The following GRID2 variants were observed in gnomAD, a reference collection of about 807,000 sequenced individuals.
The protein encoded by GRID2 is glutamate ionotropic receptor delta type subunit 2.
A neutral mutation model predicts 114.8 loss-of-function variants in GRID2; 33 were observed. The ratio of observed to expected loss-of-function variants is 0.29; its 90% CI spans 0.22 to 0.38. The LOEUF is 0.38. GRID2 is among the 10% of genes least tolerant of loss of function. GRID2 has a pLI of 1.00. For synonymous variants in GRID2, 505 were observed against 449.9 expected, an observed-to-expected ratio of 1.12 and a Z score of -1.55; for missense variants, 1,184 against 1,257.7, an observed-to-expected ratio of 0.94 and a Z score of 0.89.
At chr4:93,200,506 C>A (rs1184831631) in intron 4 of GRID2, among the ~76,000 whole-genome samples, 1 of 152,020 alleles carries the variant, frequency 6.6e-6, no homozygotes, top group African/African-American at 2.4e-5. Context: ...GTGGAGCTTG[C>A]AGTGAGCCGA....
At chr4:92,546,357 G>T (rs1310943445) in intron 1 of GRID2, among the ~76,000 whole-genome samples, 1 of 152,038 alleles carries the variant, frequency 6.6e-6, no homozygotes, top group African/African-American at 2.4e-5. Flanking sequence ...TTTCCCCATC[G>T]TGCCATGTTT....
intron 2 of GRID2, among the ~76,000 whole-genome samples, chr4:92,648,802 A>T (rs1451216314): frequency 6.7e-6 from 1 of 148,574 alleles, no homozygotes. Flanking sequence ...TTACTATATC[A>T]GTTCACATTT....
intron 1 of GRID2, among the ~76,000 whole-genome samples, chr4:93,796,299 C>CAAAG: frequency 6.6e-6 from 1 of 152,180 alleles, no homozygotes; most frequent in East Asian, 1.9e-4. Flanking sequence ...TCCCTACACG[C>CAAAG]AAAGAAGGAG....
At chr4:93,028,859 T>A (rs1446181785) in intron 2 of GRID2, among the ~76,000 whole-genome samples, 1 of 152,072 alleles carries the variant, frequency 6.6e-6, no homozygotes, top group Non-Finnish European at 1.5e-5. Flanking sequence ...GTAAATGATG[T>A]ACTTTAAAAA....
intron 11 of GRID2, among the ~76,000 whole-genome samples, chr4:93,480,088 A>G (rs746592777): frequency 3.9e-5 from 6 of 152,122 alleles, no homozygotes; most frequent in Non-Finnish European, 5.9e-5. Flanking sequence ...ATGTTTGAAG[A>G]TGTTTATAGC....
In GRID2 at chr4:92,728,667, G is replaced by A. The variant is rs548926814; in HGVS notation, c.244+138381G>A. On this transcript the variant is annotated intron_variant, in intron 2 of 15. Coordinates refer to ENST00000282020, the MANE Select transcript of GRID2 (RefSeq NM_001510.4). ...TGTAAGAAGTGAATCAATAAGTCCA[G>A]CCCAAACTCAAGTGGAAGGCACTGC... Among the ~76,000 whole-genome samples, 11 of 151,960 alleles carry A rather than the reference G, an allele frequency of 7.2e-5. No individual in the cohort carries two copies. The South Asian group carries it at 2.3e-3, about 32-fold the overall frequency.
At chr4:92,584,953 C>T (rs1728358390) in intron 1 of GRID2, among the ~76,000 whole-genome samples, 1 of 152,006 alleles carries the variant, frequency 6.6e-6, no homozygotes, top group South Asian at 2.1e-4. Context: ...TCTAAAATTC[C>T]TTTCAGCTAT....
At chr4:92,957,508 A>G (rs1752497778) in intron 2 of GRID2, among the ~76,000 whole-genome samples, 1 of 151,788 alleles carries the variant, frequency 6.6e-6, no homozygotes, top group African/African-American at 2.4e-5. Flanking sequence ...CCATTGATCT[A>G]TTTGTCTGTT....
chr4:92,894,388 T>A (rs115295252), intron 2 of GRID2, among the ~76,000 whole-genome samples: 1 of 152,160 alleles, frequency 6.6e-6, no homozygotes, highest in Admixed American at 6.6e-5. Flanking sequence ...TAGTGTTATC[T>A]TGAATGGCCA....
At chr4:93,184,811 G>T (rs553820591) in intron 4 of GRID2, among the ~76,000 whole-genome samples, 2 of 152,114 alleles carry the variant, frequency 1.3e-5, no homozygotes, top group Non-Finnish European at 2.9e-5. Context: ...GAACCCTAGA[G>T]GCAGAAGTTG....
At chr4:93,437,320 A>G (rs1721191090) in intron 10 of GRID2, among the ~76,000 whole-genome samples, 1 of 152,176 alleles carries the variant, frequency 6.6e-6, no homozygotes, top group Non-Finnish European at 1.5e-5. Flanking sequence ...TAGAGAATTA[A>G]TTATTCAAAT....
At chr4:93,292,324 C>T (rs1186566410) in intron 8 of GRID2, among the ~76,000 whole-genome samples, 1 of 152,122 alleles carries the variant, frequency 6.6e-6, no homozygotes, top group Non-Finnish European at 1.5e-5. Flanking sequence ...TGAGGAGGTA[C>T]TATGTGCTCA....
chr4:93,660,523 A>G (rs1723396094), intron 14 of GRID2, among the ~76,000 whole-genome samples: 1 of 152,218 alleles, frequency 6.6e-6, no homozygotes, highest in Non-Finnish European at 1.5e-5. Context: ...GTAAAGAAAT[A>G]TGAGAAATAC....
intron 13 of GRID2, among the ~76,000 whole-genome samples, chr4:93,558,162 A>G (rs190684885): frequency 2.1e-3 from 322 of 152,310 alleles, no homozygotes; most frequent in Non-Finnish European, 3.9e-3. Context: ...ACGCCCTAAC[A>G]ATGAAATTAA....
chr4:92,993,077 C>A (rs1043213002), intron 2 of GRID2, among the ~76,000 whole-genome samples: 1 of 151,924 alleles, frequency 6.6e-6, no homozygotes, highest in African/African-American at 2.4e-5. Flanking sequence ...GTGTATCCAT[C>A]GAATTACAGT....
chr4:93,143,826 A>C (rs570141144), intron 4 of GRID2, among the ~76,000 whole-genome samples: 1 of 152,274 alleles, frequency 6.6e-6, no homozygotes, highest in South Asian at 2.1e-4. Flanking sequence ...GAGGGGAGCA[A>C]AATACATTTC....
intron 4 of GRID2, among the ~76,000 whole-genome samples, chr4:93,177,509 C>A (rs982684326): frequency 6.6e-6 from 1 of 152,066 alleles, no homozygotes; most frequent in Non-Finnish European, 1.5e-5. Context: ...TTTAAACCCA[C>A]GTATATCCGA....
chr4:92,481,158 A>C (rs1449465104), intron 1 of GRID2, among the ~76,000 whole-genome samples: 3 of 152,166 alleles, frequency 2.0e-5, no homozygotes, highest in Admixed American at 2.0e-4. Context: ...CAAGTACACA[A>C]AATTGGAAGT....
intron 2 of GRID2, among the ~76,000 whole-genome samples, chr4:93,061,843 C>G (rs1030013107): frequency 2.0e-5 from 3 of 152,124 alleles, no homozygotes; most frequent in African/African-American, 7.2e-5. Flanking sequence ...TTGAGGTAGA[C>G]ACTACCTGAC....
Sources: gnomAD v4.1 joint callset for allele counts (sites outside exome capture counted in the v4.1 genomes callset) on GRCh38, gnomAD v4.1.1 for gene constraint, MANE v1.5 for transcripts, NCBI Gene and HGNC (gene_info 2026-07-23, HGNC 2026-07-21) for gene names.